The following ZGPAT variants were observed in gnomAD, a reference collection of about 807,000 sequenced individuals.
ZGPAT encodes the protein zinc finger CCCH-type with G patch domain-containing protein.
In ZGPAT, 39 loss-of-function variants were observed where a neutral mutation model predicts 47.9. The ratio of observed to expected loss-of-function variants is 0.81; its 90% confidence interval spans 0.63 to 1.06. ZGPAT has a LOEUF of 1.06. Among genes scored for constraint, ZGPAT ranks in the 50% least tolerant of loss-of-function variants. The pLI is 0.00. For missense variants in ZGPAT, 717 were observed against 681.4 expected, an observed-to-expected ratio of 1.05 and a Z score of -0.58; for synonymous variants, 348 against 292.9, an observed-to-expected ratio of 1.19 and a Z score of -1.92.
rs1262569979 is a variant in ZGPAT, at chr20:63,733,235, G to T, written c.601G>T (p.Val201Leu). ...KENCRFSHGQ[V>L]VSLDELRPFQ... ...TGTCTGCAGGTTCTCCCATGGGCAG[G>T]TGGTCTCTCTGGATGAGCTGCGCCC... The change falls in exon 3 of 7, where the codon GTG becomes TTG. Residue 201 changes from valine (V) to leucine (L), a missense_variant. Physicochemically the swap from Val to Leu is conservative, Grantham distance 32. Coordinates refer to ENST00000355969, the MANE Select transcript of ZGPAT (RefSeq NM_181485.3). 1 of 1,613,638 alleles carries T rather than the reference G, an allele frequency of 6.2e-7. No individual in the cohort carries two copies.
intron 4 of ZGPAT, 193 bp from the exon 5 acceptor site, chr20:63,734,512 G>T (rs1401434873): frequency 5.4e-6 from 6 of 1,104,484 alleles, no homozygotes; most frequent in Non-Finnish European, 6.4e-6. Context: ...CAGCCTCGGT[G>T]ACGAGAGCAC....
At chr20:63,722,622 C>T (rs1305207601) in intron 2 of ZGPAT, among the ~76,000 whole-genome samples, 2 of 152,000 alleles carry the variant, frequency 1.3e-5, no homozygotes, top group Non-Finnish European at 2.9e-5. Flanking sequence ...TTATTACTAA[C>T]TTAACACTTA....
intron 2 of ZGPAT, among the ~76,000 whole-genome samples, chr20:63,724,363 TA>T (rs59890523): frequency 4.1e-4 from 51 of 124,636 alleles, no homozygotes; most frequent in South Asian, 1.8e-3. Context: ...AGACTCTGCC[TA>T]AAAAAAAAAA....
At chr20:63,717,141 G>A (rs779485332) in intron 2 of ZGPAT, among the ~76,000 whole-genome samples, 2 of 152,002 alleles carry the variant, frequency 1.3e-5, no homozygotes, top group Admixed American at 6.6e-5. Context: ...GGTCATTTTC[G>A]CTAAAGGTTT....
At chr20:63,734,968 T>C in intron 5 of ZGPAT, 144 bp downstream of exon 5, 1 of 1,337,858 alleles carries the variant, frequency 7.5e-7, no homozygotes, top group Non-Finnish European at 9.9e-7. Context: ...CTCCTCAGAT[T>C]CCCGGGGTCC....
At position 63,734,772 on chromosome 20, in the gene ZGPAT, G is replaced by T. The variant is rs370638446; in HGVS notation, c.939G>T (p.Thr313=). Residue 313 remains threonine, a synonymous_variant, in exon 5 of 7, where the codon ACG becomes ACT. Transcript: ENST00000355969. ...SSAFAGWEVH[T]RGIGSRLLTK... is the part of the protein sequence containing the mutation. ...CCTTTGCTGGCTGGGAGGTGCACAC[G>T]CGAGGTATAGGCTCCAGACTCCTCA... The T allele has an allele frequency of 2.6e-5, 42 of 1,613,156 alleles. No individual in the cohort carries two copies. Among genetic ancestry groups the T allele is most frequent in the African/African-American group, 2.0e-4 (15 of 74,918 alleles).
intron 2 of ZGPAT, among the ~76,000 whole-genome samples, chr20:63,732,409 CGTGTGTGTGGGTGAGAGATGTGT>C (rs2091920044): frequency 1.3e-4 from 18 of 137,180 alleles, no homozygotes; most frequent in African/African-American, 2.3e-4. Context: ...CCTGTGTGTG[CGTGTGTGTGGGTGAGAGATGTGT>C]GCGCATGTGT....
chr20:63,730,952 CTCTCTCTCTCTCTCTCTCTGTGTG>C (rs1193065495), intron 2 of ZGPAT, among the ~76,000 whole-genome samples: 3 of 145,638 alleles, frequency 2.1e-5, no homozygotes, highest in African/African-American at 8.3e-5. Flanking sequence ...CTCTCTCTCT[CTCTCTCTCTCTCTCTCTCTGTGTG>C]TGTGTGTGTG....
At chr20:63,732,620 T>A (rs111575360) in intron 2 of ZGPAT, among the ~76,000 whole-genome samples, 1 of 150,226 alleles carries the variant, frequency 6.7e-6, no homozygotes, top group Non-Finnish European at 1.5e-5. Context: ...GGTCTCTGTG[T>A]ATGTGTATGA....
chr20:63,732,458 TGTG>T (rs1238279131), intron 2 of ZGPAT, among the ~76,000 whole-genome samples: 1 of 142,332 alleles, frequency 7.0e-6, no homozygotes, highest in African/African-American at 2.6e-5. Context: ...TAAGGGTGCT[TGTG>T]TGCGCATGTG....
Position 63,736,094 on chromosome 20 carries a change from T to C in ZGPAT, c.*175T>C. 1 of 876,288 alleles carries C rather than the reference T, an allele frequency of 1.1e-6. No individual in the cohort carries two copies. The highest frequency in any genetic ancestry group is 1.7e-6 in the Non-Finnish European group (1 of 576,696). The allele number at this position is 876,288 out of a possible 1,614,324, so 54.3% of individuals were successfully genotyped here. A position where few individuals can be genotyped will look rare whatever the true frequency, so the allele number is the denominator to read the frequency against. On this transcript the variant is annotated 3_prime_UTR_variant, in exon 7 of 7. Transcript: ENST00000355969. Reference sequence around the variant, plus strand: ...ACTTACTTGCCCACCTGCCAGTGTCTTGGGCATTTCCTTGGCAAGGACATT... The same window carrying C: ...ACTTACTTGCCCACCTGCCAGTGTCCTGGGCATTTCCTTGGCAAGGACATT...
At chr20:63,732,546 C>T (rs1252138575) in intron 2 of ZGPAT, among the ~76,000 whole-genome samples, 1 of 151,780 alleles carries the variant, frequency 6.6e-6, no homozygotes, top group African/African-American at 2.4e-5. Flanking sequence ...TGCGTATATC[C>T]ATGTATGACT....
intron 2 of ZGPAT, among the ~76,000 whole-genome samples, chr20:63,724,489 C>T (rs1298644283): frequency 6.6e-6 from 1 of 152,018 alleles, no homozygotes; most frequent in Non-Finnish European, 1.5e-5. Context: ...CAACACCAGC[C>T]TGGGCAACAT....
At chr20:63,722,713 A>G (rs998176783) in intron 2 of ZGPAT, among the ~76,000 whole-genome samples, 6 of 150,582 alleles carry the variant, frequency 4.0e-5, no homozygotes, top group African/African-American at 1.2e-4. Flanking sequence ...GCTCACTGCA[A>G]CCTCCGCCTC....
intron 2 of ZGPAT, among the ~76,000 whole-genome samples, chr20:63,714,366 C>T (rs968695088): frequency 3.4e-5 from 5 of 148,178 alleles, no homozygotes; most frequent in Admixed American, 2.1e-4. Flanking sequence ...GCGGAGGTTG[C>T]AGTGAGCCAA....
At chr20:63,720,126 A>G (rs925631052) in intron 2 of ZGPAT, among the ~76,000 whole-genome samples, 1 of 151,464 alleles carries the variant, frequency 6.6e-6, no homozygotes, top group Non-Finnish European at 1.5e-5. Flanking sequence ...AACAGTTTCT[A>G]TTAATTTCTT....
intron 2 of ZGPAT, among the ~76,000 whole-genome samples, chr20:63,725,625 A>G (rs2091837371): frequency 1.3e-5 from 2 of 151,692 alleles, no homozygotes. Context: ...AGCCTCTTAG[A>G]TTCATAGATT....
In ZGPAT at chr20:63,709,100, C is replaced by T. The variant is rs1568781859; in HGVS notation, c.520C>T (p.His174Tyr). Residue 174 changes from histidine to tyrosine, a missense_variant, in exon 2 of 7, where the codon CAC (histidine) becomes TAC (tyrosine). His to Tyr is a moderately conservative substitution (Grantham distance 83). Transcript: ENST00000355969. ...GVRVLYLYPT[H>Y]KSLKPCPFFL... ...CCGTGTGCTTTACCTGTACCCCACT[C>T]ACAAGTCTCTGAAGCCGTGCCCGTT... 3 of 1,613,296 alleles carry T rather than the reference C, an allele frequency of 1.9e-6. No homozygotes were observed. The highest frequency in any genetic ancestry group is 1.3e-5 in the African/African-American group (1 of 75,030).
chr20:63,708,699 A>T lies in ZGPAT; in HGVS notation c.119A>T (p.Gln40Leu). Reference protein sequence around the residue: ...SSEQADLRQLQGDLKELIELT... With the variant: ...SSEQADLRQLLGDLKELIELT... ...GAGCAGGCTGACCTGCGCCAGCTGC[A>T]GGGGGACCTGAAGGAGCTCATCGAG... Residue 40 changes from glutamine to leucine, a missense_variant, in exon 2 of 7, where the codon CAG becomes CTG. Gln to Leu is a moderately radical substitution (Grantham distance 113). Coordinates refer to ENST00000355969, the MANE Select transcript of ZGPAT (RefSeq NM_181485.3). The T allele has an allele frequency of 6.2e-7, 1 of 1,612,774 alleles. No homozygotes were observed. The highest frequency in any genetic ancestry group is 8.5e-7 in the Non-Finnish European group (1 of 1,179,926).
Sources: allele counts gnomAD v4.1 joint callset (sites outside exome capture counted in the v4.1 genomes callset), GRCh38; gene constraint gnomAD v4.1.1; transcripts MANE v1.5; gene names NCBI Gene and HGNC (gene_info 2026-07-23, HGNC 2026-07-21).